The following AMZ1 variants were observed in gnomAD, a reference collection of about 807,000 sequenced individuals.
The protein encoded by AMZ1 is archaelysin family metallopeptidase 1.
AMZ1 carries 39 observed loss-of-function variants against 29.9 expected under a neutral mutation model. The observed-to-expected ratio is 1.30, with a 90% CI of 1.01 to 1.70. The LOEUF (loss-of-function observed/expected upper bound fraction) is 1.70, where lower values mean the gene tolerates loss of function less well. AMZ1 is among the 40% of genes most tolerant of loss of function. The probability of loss-of-function intolerance (pLI) is 0.00; values close to 1 mark genes in which losing one functional copy is unlikely to be tolerated. For synonymous variants in AMZ1, 458 were observed against 304.0 expected (o/e 1.51, Z -5.27); for missense variants, 1,041 against 680.6 (o/e 1.53, Z -5.89).
intron 3 of AMZ1, 40 bp from the exon 4 acceptor site, chr7:2,708,548 G>A (rs373784936): frequency 3.3e-5 from 53 of 1,608,014 alleles, no homozygotes; most frequent in Middle Eastern, 1.7e-4. Context: ...GGGGGTCCCC[G>A]GCTGCCTCCT....
At chr7:2,758,010 A>G (rs1163119233) in intron 4 of AMZ1, among the ~76,000 whole-genome samples, 2 of 152,244 alleles carry the variant, frequency 1.3e-5, no homozygotes, top group African/African-American at 2.4e-5. Flanking sequence ...CAAGCTCTAC[A>G]GACCTAATAA....
At chr7:2,741,053 C>T (rs1022391643) in intron 4 of AMZ1, among the ~76,000 whole-genome samples, 6 of 151,308 alleles carry the variant, frequency 4.0e-5, no homozygotes, top group African/African-American at 1.5e-4. Flanking sequence ...TCAAAACAAA[C>T]AAACAAACAA....
At chr7:2,685,090 T>G (rs58835444), upstream of AMZ1, among the ~76,000 whole-genome samples, 6 of 151,514 alleles carry the variant, frequency 4.0e-5, no homozygotes, top group Non-Finnish European at 5.9e-5. Context: ...AGGATGGTCT[T>G]GATCTTCTGA....
intron 4 of AMZ1, among the ~76,000 whole-genome samples, chr7:2,738,088 G>A (rs995911782): frequency 8.6e-5 from 13 of 152,038 alleles, no homozygotes; most frequent in African/African-American, 3.1e-4. Context: ...TTTAATTTGG[G>A]TACCTATGAA....
rs949094679 is a variant in AMZ1 at position 2,714,589 on chromosome 7, C to G, written c.*1711C>G. 2.0e-5 allele frequency: 3 copies of G among 152,262 alleles called. No homozygotes were observed. The highest frequency in any genetic ancestry group is 2.9e-5 in the Non-Finnish European group (2 of 68,062). 9.4% of individuals were successfully genotyped at this position (152,262 alleles called of 1,614,324 possible). On this transcript the variant is annotated 3_prime_UTR_variant, in exon 7 of 7. Transcript: ENST00000683327. Reference sequence around the variant, plus strand: ...CAGTAACAGAAGGTGAAAGCCGGAGCCTGGTGGCTGTTGCTGCAAACAACC... The same window carrying G: ...CAGTAACAGAAGGTGAAAGCCGGAGGCTGGTGGCTGTTGCTGCAAACAACC...
intron 4 of AMZ1, among the ~76,000 whole-genome samples, chr7:2,732,110 T>C (rs1261829758): frequency 6.6e-6 from 1 of 152,222 alleles, no homozygotes; most frequent in Non-Finnish European, 1.5e-5. Context: ...GCTTATAGCT[T>C]CCAAAACCTT....
intron 3 of AMZ1, among the ~76,000 whole-genome samples, chr7:2,703,484 C>A (rs891733496): frequency 1.4e-5 from 2 of 146,832 alleles, no homozygotes; most frequent in Non-Finnish European, 1.5e-5. Context: ...CTCCAACCTT[C>A]CGTCTTTGCA....
chr7:2,750,904 G>A (rs981435761), intron 4 of AMZ1, among the ~76,000 whole-genome samples: 3 of 152,222 alleles, frequency 2.0e-5, no homozygotes, highest in African/African-American at 4.8e-5. Flanking sequence ...GAATGGAAAG[G>A]TGGACAGATG....
chr7:2,716,826 G>C lies in AMZ1; in HGVS notation c.*3948G>C, dbSNP rs1310825923. The stretch of plus-strand genomic sequence containing the variant: ...TCATCATCGAGTCTCGAAATGACCT[G>C]TAAGGCAGATGGCTGCATCCCCACC... On this transcript the variant is annotated 3_prime_UTR_variant, in exon 7 of 7. Coordinates refer to ENST00000683327, the MANE Select transcript of AMZ1 (RefSeq NM_001384743.1). 6.6e-6 allele frequency among the ~76,000 whole-genome samples: 1 copy of C among 152,214 alleles called. No homozygotes were observed. Among genetic ancestry groups the C allele is most frequent in the African/African-American group, 2.4e-5 (1 of 41,450 alleles).
At position 2,717,012 on chromosome 7, in the gene AMZ1, A is replaced by G. The variant is rs1262353637; in HGVS notation, c.*4134A>G. 6.6e-6 allele frequency among the ~76,000 whole-genome samples: 1 copy of G among 152,158 alleles called. No homozygotes were observed. Among genetic ancestry groups the G allele is most frequent in the Non-Finnish European group, 1.5e-5 (1 of 68,032 alleles). On this transcript the variant is annotated 3_prime_UTR_variant, in exon 7 of 7. Transcript: ENST00000683327. ...GGAGCGGTCTGAGCAGGAAGAGAGTAAGAAGGCGCACGGACGCGGGAGGCC... is the reference window on the plus strand; with the variant it reads ...GGAGCGGTCTGAGCAGGAAGAGAGTGAGAAGGCGCACGGACGCGGGAGGCC...
chr7:2,744,325 C>T (rs1266605838), intron 4 of AMZ1, among the ~76,000 whole-genome samples: 1 of 152,184 alleles, frequency 6.6e-6, no homozygotes, highest in Admixed American at 6.5e-5. Flanking sequence ...ACAAAACTTC[C>T]AGAGGAACGA....
chr7:2,684,134 C>G (rs981281442), upstream of AMZ1, among the ~76,000 whole-genome samples: 2 of 151,890 alleles, frequency 1.3e-5, no homozygotes, highest in African/African-American at 4.8e-5. Context: ...GCCAAGATCA[C>G]GCCACTGCAC....
chr7:2,720,747 C>G (rs1789385744), downstream of AMZ1, among the ~76,000 whole-genome samples: 2 of 152,132 alleles, frequency 1.3e-5, no homozygotes, highest in Admixed American at 1.3e-4. Context: ...TGCTATGTTG[C>G]CCAGGCTTAT....
At chr7:2,762,355 C>T (rs1791600817), upstream of AMZ1, 1 of 388,422 alleles carries the variant, frequency 2.6e-6, no homozygotes, top group Non-Finnish European at 4.5e-6. Flanking sequence ...CACGATCCCA[C>T]CGAATCCAGA....
Position 2,708,733 on chromosome 7 carries a change from G to A in AMZ1, c.601+17G>A, listed in dbSNP as rs771132972. ...CAGGGCACGGTGAGCCGGGGCCCCA[G>A]CAGCTGTGCGTGGGGGGTAGCCTGG... On this transcript the variant is annotated intron_variant, in intron 4 of 6. Transcript: ENST00000683327. 41 of 1,611,746 alleles carry A rather than the reference G, an allele frequency of 2.5e-5. No individual in the cohort carries two copies. The highest frequency in any genetic ancestry group is 4.4e-5 in the South Asian group (4 of 91,056).
At chr7:2,761,178 G>A (rs1223768628), upstream of AMZ1, among the ~76,000 whole-genome samples, 1 of 152,154 alleles carries the variant, frequency 6.6e-6, no homozygotes, top group Non-Finnish European at 1.5e-5. Context: ...CCGAGCCACC[G>A]TGCACGGCAC....
At chr7:2,747,729 T>C (rs1325583517) in intron 4 of AMZ1, among the ~76,000 whole-genome samples, 2 of 152,200 alleles carry the variant, frequency 1.3e-5, no homozygotes, top group African/African-American at 2.4e-5. Flanking sequence ...GGAAGTCAAA[T>C]TGTCCCTGTT....
At chr7:2,737,774 A>C (rs1790283004) in intron 4 of AMZ1, among the ~76,000 whole-genome samples, 1 of 152,254 alleles carries the variant, frequency 6.6e-6, no homozygotes, top group Non-Finnish European at 1.5e-5. Context: ...AAGTAACAGC[A>C]AACTATGCCA....
At chr7:2,742,021 T>C in intron 4 of AMZ1, among the ~76,000 whole-genome samples, 1 of 151,892 alleles carries the variant, frequency 6.6e-6, no homozygotes, top group Admixed American at 6.6e-5. Context: ...CTTGAATTTT[T>C]TTATTTTTTT....
Sources: allele counts gnomAD v4.1 joint callset (sites outside exome capture counted in the v4.1 genomes callset), GRCh38; gene constraint gnomAD v4.1.1; transcripts MANE v1.5; gene names NCBI Gene and HGNC (gene_info 2026-07-23, HGNC 2026-07-21).